FLG: variants seen among roughly 807,000 people sequenced by gnomAD.
The protein encoded by FLG is filaggrin.
A neutral mutation model predicts 3.8 loss-of-function variants in FLG; 6 were observed. The observed-to-expected ratio is 1.60, with a 90% CI of 0.87 to 3.15. The LOEUF is 3.15. FLG is among the 30% of genes most tolerant of loss of function. The pLI is 0.00. For missense variants in FLG, 7,595 were observed against 5,050.9 expected, an observed-to-expected ratio of 1.50 and a Z score of -15.27; for synonymous variants, 2,551 against 1,931.6, an observed-to-expected ratio of 1.32 and a Z score of -8.41.
Position 152,313,436 on chromosome 1 carries a change from G to A in FLG, c.1450C>T (p.Arg484Trp), listed in dbSNP as rs113136594. 1,013 of 1,613,730 alleles carry A rather than the reference G, an allele frequency of 6.3e-4. 9 individuals carry two copies. Among genetic ancestry groups the A allele is most frequent in the African/African-American group, 5.9e-3 (442 of 74,868 alleles). Residue 484 changes from arginine to tryptophan, a missense_variant, in exon 3 of 3, where the codon CGG (arginine) becomes TGG (tryptophan). Arg to Trp is a moderately radical substitution (Grantham distance 101). Transcript: ENST00000368799. ...THEQPDSAHG[R>W]TGTSTGGRQG... is the part of the protein sequence containing the mutation. ...CTTCCTCCAGTGCTGGTCCCGGTCC[G>A]TCCATGGGCAGAGTCAGGCTGTTCA...
rs762522897 is a variant in FLG, at chr1:152,311,515, T to A, written c.3371A>T (p.His1124Leu). The A allele has an allele frequency of 1.7e-5, 28 of 1,613,758 alleles. No individual in the cohort carries two copies. Among genetic ancestry groups the A allele is most frequent in the Admixed American group, 3.3e-5 (2 of 59,982 alleles). Residue 1124 changes from histidine (H) to leucine (L), a missense_variant, in exon 3 of 3, where the codon CAT becomes CTT. Transcript: ENST00000368799. ...SGSFIYQVST[H>L]EQSESAHGRT... ...CCCATGGGCAGACTCAGACTGTTCA[T>A]GAGTGCTCACCTGGTAGATGAAAGA... is the stretch of plus-strand genomic sequence containing the variant.
At position 152,309,247 on chromosome 1, in the gene FLG, T is replaced by A. The variant is rs772199199; in HGVS notation, c.5639A>T (p.His1880Leu). Residue 1880 changes from histidine to leucine, a missense_variant, in exon 3 of 3, where the codon CAC (histidine) becomes CTC (leucine). Transcript: ENST00000368799. ...NEKQSGDGSR[H>L]SGSRHHEASS... ...AGCTTCATGGTGACGCGACCCTGAGTGCCTGGAGCCGTCTCCTGATTGTTT... is the reference window on the plus strand; with the variant it reads ...AGCTTCATGGTGACGCGACCCTGAGAGCCTGGAGCCGTCTCCTGATTGTTT... 4.3e-6 allele frequency: 7 copies of A among 1,613,646 alleles called. No individual in the cohort carries two copies. Among genetic ancestry groups the A allele is most frequent in the Non-Finnish European group, 5.9e-6 (7 of 1,179,920 alleles).
Position 152,302,590 on chromosome 1 carries a change from C to G in FLG, c.*110G>C. The stretch of plus-strand genomic sequence containing the variant: ...ATGAAATACTATAGCATATTTTAAA[C>G]AGATTGACAGGAAAAGATAACTTCC... On this transcript the variant is annotated 3_prime_UTR_variant, in exon 3 of 3. Transcript: ENST00000368799. 3.6e-6 allele frequency: 5 copies of G among 1,404,076 alleles called. No homozygotes were observed. Among genetic ancestry groups the G allele is most frequent in the Non-Finnish European group, 4.8e-6 (5 of 1,038,316 alleles). 87.0% of individuals were successfully genotyped at this position (1,404,076 alleles called of 1,614,324 possible). A position where few individuals can be genotyped will look rare whatever the true frequency, so the allele number is the denominator to read the frequency against.
intron 1 of FLG, among the ~76,000 whole-genome samples, chr1:152,323,529 C>T (rs1020160479): frequency 6.6e-6 from 1 of 151,644 alleles, no homozygotes; most frequent in African/African-American, 2.4e-5. Flanking sequence ...ATAAACATAT[C>T]AAAACTTCTC....
chr1:152,307,607 C>G lies in FLG; in HGVS notation c.7279G>C (p.Ala2427Pro). 6.2e-7 allele frequency: 1 copy of G among 1,613,500 alleles called. No homozygotes were observed. The highest frequency in any genetic ancestry group is 8.5e-7 in the Non-Finnish European group (1 of 1,179,862). Residue 2427 changes from alanine to proline, a missense_variant, in exon 3 of 3, where the codon GCC (alanine) becomes CCC (proline). By Grantham distance (27) the Ala-to-Pro change is conservative. Transcript: ENST00000368799. ...GTGCTGGTCCCGGTCCGTCCATGGG[C>G]GGACTCAGACTGTTCATGAGTGCTC... Reference protein sequence around the residue: ...QVSTHEQSESAHGRTGTSTGG... With the variant: ...QVSTHEQSESPHGRTGTSTGG...
rs770682009 is a variant in FLG, at chr1:152,308,106, A to T, written c.6780T>A (p.Ser2260=). The T allele has an allele frequency of 3.7e-6, 6 of 1,613,316 alleles. No individual in the cohort carries two copies. Among genetic ancestry groups the T allele is most frequent in the East Asian group, 4.5e-5 (2 of 44,776 alleles). Residue 2260 remains serine, a synonymous_variant, in exon 3 of 3, where the codon TCT becomes TCA. Transcript: ENST00000368799. ...EGHSEDSERR[S]GSASRNHHGS... ...CATGATGGTTTCTGGACGCAGACCC[A>T]GACCGCCTCTCAGAATCTTCTGAGT... is the stretch of plus-strand genomic sequence containing the variant.
chr1:152,307,020 G>T lies in FLG; in HGVS notation c.7866C>A (p.Ser2622Arg). The T allele has an allele frequency of 6.3e-7, 1 of 1,599,034 alleles. No individual in the cohort carries two copies. The highest frequency in any genetic ancestry group is 8.5e-7 in the Non-Finnish European group (1 of 1,175,738). The change falls in exon 3 of 3, where the codon AGC becomes AGA. Residue 2622 changes from serine to arginine, a missense_variant. Coordinates refer to ENST00000368799, the MANE Select transcript of FLG (RefSeq NM_002016.2). ...DRAGHGHSADSSRQSGTRHTQ... is the reference protein window; with the variant it reads ...DRAGHGHSADRSRQSGTRHTQ... The stretch of plus-strand genomic sequence containing the variant: ...TGTGACGAGTGCCTGATTGTCTGGA[G>T]CTGTCTGCAGAGTGCCCATGACCAG...
In FLG at chr1:152,309,569, C is replaced by T. The variant is rs577561854; in HGVS notation, c.5317G>A (p.Glu1773Lys). 159 of 1,613,932 alleles carry T rather than the reference C, an allele frequency of 9.9e-5. 2 individuals are homozygous for T. The South Asian group carries it at 1.6e-3, about 16-fold the overall frequency. The change falls in exon 3 of 3, where the codon GAA becomes AAA. Residue 1773 changes from glutamate (E) to lysine (K), a missense_variant. By Grantham distance (56) the Glu-to-Lys change is moderately conservative. Transcript: ENST00000368799. Reference sequence around the variant, plus strand: ...CGTCCATGGGCGGACTCAGACTGTTCATGAGTGCTCACCTGGTAGAGGAAA... The same window carrying T: ...CGTCCATGGGCGGACTCAGACTGTTTATGAGTGCTCACCTGGTAGAGGAAA... Reference protein sequence around the residue: ...GSFLYQVSTHEQSESAHGRTG... With the variant: ...GSFLYQVSTHKQSESAHGRTG...
chr1:152,319,618 C>T (rs1437667412), intron 1 of FLG, among the ~76,000 whole-genome samples: 1 of 151,118 alleles, frequency 6.6e-6, no homozygotes, highest in African/African-American at 2.4e-5. Context: ...TTCAAAGGAG[C>T]GACAATAAGA....
Position 152,308,199 on chromosome 1 carries a change from T to C in FLG, c.6687A>G (p.Gln2229=). The change falls in exon 3 of 3, where the codon CAA becomes CAG. Residue 2229 remains glutamine, a synonymous_variant. Coordinates refer to ENST00000368799, the MANE Select transcript of FLG (RefSeq NM_002016.2). ...SSRHSLVGQG[Q]SSGPRTSRPR... is the part of the protein sequence containing the mutation. ...GCCTGCTTGTCCTGGGCCCTGATGATTGTCCCTGGCCCACCAGTGAGTGTC... is the reference window on the plus strand; with the variant it reads ...GCCTGCTTGTCCTGGGCCCTGATGACTGTCCCTGGCCCACCAGTGAGTGTC... 1 of 1,613,914 alleles carries C rather than the reference T, an allele frequency of 6.2e-7. No homozygotes were observed. The highest frequency in any genetic ancestry group is 8.5e-7 in the Non-Finnish European group (1 of 1,179,928).
Position 152,308,060 on chromosome 1 carries a change from T to C in FLG, c.6826A>G (p.Arg2276Gly). 6.2e-7 allele frequency: 1 copy of C among 1,614,046 alleles called. No homozygotes were observed. Among genetic ancestry groups the C allele is most frequent in the South Asian group, 1.1e-5 (1 of 91,072 alleles). The part of the protein sequence containing the change: ...NHHGSAQEQS[R>G]DGSRHPRSHH... ...GACCTGGGGTGTCTGGAGCCATCTC[T>C]TGACTGCTCCTGAGCAGATCCATGA... is the stretch of plus-strand genomic sequence containing the variant. Residue 2276 changes from arginine (R) to glycine (G), a missense_variant, in exon 3 of 3, where the codon AGA becomes GGA. Coordinates refer to ENST00000368799, the MANE Select transcript of FLG (RefSeq NM_002016.2).
In FLG at chr1:152,310,486, C is replaced by T; in HGVS notation, c.4400G>A (p.Gly1467Glu). 2.5e-6 allele frequency: 4 copies of T among 1,613,792 alleles called. No homozygotes were observed. The highest frequency in any genetic ancestry group is 3.4e-6 in the Non-Finnish European group (4 of 1,179,872). ...GTTTCGTGCCTGCTCATGGCGGGAT[C>T]CTTGTCTTCCTCCAGTGCTGGGTGC... The part of the protein sequence containing the change: ...QTAPSTGGRQ[G>E]SRHEQARNSS... Residue 1467 changes from glycine to glutamate, a missense_variant, in exon 3 of 3, where the codon GGA (glycine) becomes GAA (glutamate). Gly to Glu is a moderately conservative substitution (Grantham distance 98). Transcript: ENST00000368799.
At position 152,310,883 on chromosome 1, in the gene FLG, CTG is replaced by C. The variant is rs776116186; in HGVS notation, c.4001_4002del (p.Thr1334ArgfsTer13). ...DSSRQSGTHHTESSSHGQAVS... is the reference protein window; with the variant it reads ...DSSRQSGTHHXESSSHGQAVS... ...ACAGCCTGTCCATGAGAGGAAGACT[CTG>C]TGTGATGAGTGCCTGATTGTCTGGA... On this transcript the variant is annotated frameshift_variant, in exon 3 of 3. Coordinates refer to ENST00000368799, the MANE Select transcript of FLG (RefSeq NM_002016.2). LOFTEE classifies it low-confidence loss of function (END_TRUNC). 5.0e-6 allele frequency: 8 copies of C among 1,613,932 alleles called. No homozygotes were observed. In the Admixed American group the frequency reaches 8.3e-5, roughly 17 times the overall value.
chr1:152,305,076 G>A lies in FLG; in HGVS notation c.9810C>T (p.Arg3270=). 1 of 1,613,978 alleles carries A rather than the reference G, an allele frequency of 6.2e-7. No individual in the cohort carries two copies. Residue 3270 remains arginine, a synonymous_variant, in exon 3 of 3, where the codon CGC becomes CGT. Coordinates refer to ENST00000368799, the MANE Select transcript of FLG (RefSeq NM_002016.2). ...CGTGACGAGTGCCTGATTGTCTGGAGCGGTCTGCAGAGTGCCCGTGACCGG... is the reference window on the plus strand; with the variant it reads ...CGTGACGAGTGCCTGATTGTCTGGAACGGTCTGCAGAGTGCCCGTGACCGG... ...DRAGHGHSAD[R]SRQSGTRHAE...
At chr1:152,320,242 A>G (rs1652913571) in intron 1 of FLG, among the ~76,000 whole-genome samples, 1 of 151,248 alleles carries the variant, frequency 6.6e-6, no homozygotes, top group Non-Finnish European at 1.5e-5. Context: ...GTAGAAACCA[A>G]GTAGTAATAT....
Position 152,314,185 on chromosome 1 carries a change from G to C in FLG, c.701C>G (p.Ala234Gly). ...TTCATCCTGGATTGTGTAATATGTG[G>C]CAATATGGCCTGATTGTATCCATTT... ...TQKWIQSGHI[A>G]TYYTIQDEAY... The change falls in exon 3 of 3, where the codon GCC becomes GGC. Residue 234 changes from alanine (A) to glycine (G), a missense_variant. Coordinates refer to ENST00000368799, the MANE Select transcript of FLG (RefSeq NM_002016.2). 10 of 1,613,990 alleles carry C rather than the reference G, an allele frequency of 6.2e-6. No homozygotes were observed. Among genetic ancestry groups the C allele is most frequent in the Non-Finnish European group, 8.5e-6 (10 of 1,179,966 alleles).
chr1:152,307,401 G>C lies in FLG; in HGVS notation c.7485C>G (p.Thr2495=), dbSNP rs771730537. ...SGHSGSHHSH[T]TSQGRSDASH... ...AGGCATCAGACCTTCCCTGGGATGT[G>C]GTGTGGCTGTGATGAGACCCTGAGT... The change falls in exon 3 of 3, where the codon ACC becomes ACG. Residue 2495 remains threonine, a synonymous_variant. Coordinates refer to ENST00000368799, the MANE Select transcript of FLG (RefSeq NM_002016.2). 6.2e-7 allele frequency: 1 copy of C among 1,613,214 alleles called. No individual in the cohort carries two copies. Among genetic ancestry groups the C allele is most frequent in the East Asian group, 2.2e-5 (1 of 44,744 alleles).
rs759189084 is a variant in FLG at position 152,314,628 on chromosome 1, A to C, written c.258T>G (p.Tyr86Ter). The C allele has an allele frequency of 1.2e-6, 2 of 1,613,950 alleles. No individual in the cohort carries two copies. Among genetic ancestry groups the C allele is most frequent in the African/African-American group, 2.7e-5 (2 of 74,912 alleles). ...LMVFKLAQAY[Y>*]ESTRKENLPI... ...GTAAATTCTCTTTTCTGGTAGACTC[A>C]TAATATGCTTGAGCCAACTTGAATA... Residue 86 changes from tyrosine (Y) to a stop codon, truncating the protein, a stop_gained, in exon 3 of 3, where the codon TAT becomes TAG. Transcript: ENST00000368799. LOFTEE classifies it low-confidence loss of function (END_TRUNC).
rs1474046699 is a variant in FLG at position 152,310,796 on chromosome 1, A to C, written c.4090T>G (p.Ser1364Ala). 1 of 1,611,304 alleles carries C rather than the reference A, an allele frequency of 6.2e-7. No homozygotes were observed. The highest frequency in any genetic ancestry group is 8.5e-7 in the Non-Finnish European group (1 of 1,178,974). ...GERHGSRHQQSADSSRHSGIG... is the reference protein window; with the variant it reads ...GERHGSRHQQAADSSRHSGIG... ...CCTGAGTGTCTGGAGCTGTCTGCTG[A>C]CTGCTGGTGGCGGGATCCATGTCTT... The change falls in exon 3 of 3, where the codon TCA becomes GCA. Residue 1364 changes from serine to alanine, a missense_variant. By Grantham distance (99) the Ser-to-Ala change is moderately conservative. Transcript: ENST00000368799.
Sources: gnomAD v4.1 joint callset for allele counts (sites outside exome capture counted in the v4.1 genomes callset) on GRCh38, gnomAD v4.1.1 for gene constraint, MANE v1.5 for transcripts, NCBI Gene and HGNC (gene_info 2026-07-23, HGNC 2026-07-21) for gene names.